VRK1: variants seen among roughly 807,000 people sequenced by gnomAD.
The protein encoded by VRK1 is serine/threonine-protein kinase VRK1.
Under a neutral mutation model 57.1 loss-of-function variants are expected in VRK1, and 33 were observed. That is an observed-to-expected ratio of 0.58 (90% CI 0.44 to 0.77). VRK1 has a LOEUF of 0.77. VRK1 is among the 30% of genes least tolerant of loss of function. VRK1 has a pLI of 0.00. For missense variants in VRK1, 413 were observed against 477.3 expected (o/e 0.87, Z 1.25); for synonymous variants, 137 against 147.8 (o/e 0.93, Z 0.53).
intron 2 of VRK1, among the ~76,000 whole-genome samples, chr14:96,835,589 T>A (rs1181916115): frequency 6.6e-6 from 1 of 152,224 alleles, no homozygotes; most frequent in Non-Finnish European, 1.5e-5. Context: ...TCTACTTAGA[T>A]GTTCCACAGG....
chr14:96,863,583 C>G (rs551869050), intron 11 of VRK1, among the ~76,000 whole-genome samples: 1 of 152,150 alleles, frequency 6.6e-6, no homozygotes, highest in Admixed American at 6.5e-5. Flanking sequence ...CCTGGAAAGT[C>G]GTTGAGTAAG....
chr14:96,856,946 T>A (rs1888183259), intron 10 of VRK1, among the ~76,000 whole-genome samples: 1 of 151,900 alleles, frequency 6.6e-6, no homozygotes. Context: ...CCAGCCTGGG[T>A]GACAGAGTGA....
intron 3 of VRK1, among the ~76,000 whole-genome samples, chr14:96,840,056 T>C (rs1295812443): frequency 1.3e-5 from 2 of 152,200 alleles, no homozygotes; most frequent in African/African-American, 4.8e-5. Context: ...TGGTCTTTCG[T>C]TTTTTTCCCC....
At chr14:96,856,654 T>C in intron 10 of VRK1, 68 bp downstream of exon 10, 1 of 1,332,284 alleles carries the variant, frequency 7.5e-7, no homozygotes. Flanking sequence ...ATGATATCCA[T>C]GGAATAGCCC....
At chr14:96,802,472 G>A (rs962050615) in intron 1 of VRK1, among the ~76,000 whole-genome samples, 5 of 152,182 alleles carry the variant, frequency 3.3e-5, no homozygotes, top group Non-Finnish European at 7.3e-5. Flanking sequence ...GGAGTTTAAG[G>A]GCATTGTATT....
chr14:96,873,921 A>C (rs886638574), intron 11 of VRK1, among the ~76,000 whole-genome samples: 1 of 152,186 alleles, frequency 6.6e-6, no homozygotes, highest in Non-Finnish European at 1.5e-5. Flanking sequence ...TGCTTTACGT[A>C]ATGCATACTG....
At chr14:96,840,159 C>T (rs536553582) in intron 3 of VRK1, among the ~76,000 whole-genome samples, 85 of 152,220 alleles carry the variant, frequency 5.6e-4, no homozygotes, top group African/African-American at 1.9e-3. Context: ...CCCTTTTGCC[C>T]TGCAGGCTTA....
chr14:96,853,299 A>C, intron 7 of VRK1, 133 bp downstream of exon 7: 3 of 762,194 alleles, frequency 3.9e-6, no homozygotes, highest in Non-Finnish European at 6.6e-6. Context: ...TCTTCTTGAC[A>C]CTTTGATCTA....
At chr14:96,808,120 C>G (rs1885987024) in intron 1 of VRK1, among the ~76,000 whole-genome samples, 1 of 151,056 alleles carries the variant, frequency 6.6e-6, no homozygotes, top group Non-Finnish European at 1.5e-5. Flanking sequence ...GGCAGCTGGG[C>G]AGAAAGGAAG....
intron 12 of VRK1, among the ~76,000 whole-genome samples, chr14:96,878,127 T>C (rs1736731431): frequency 6.6e-6 from 1 of 152,182 alleles, no homozygotes; most frequent in African/African-American, 2.4e-5. Context: ...TCCCCTAAAG[T>C]ACAATGCGAG....
chr14:96,823,784 C>T (rs1886695193), intron 1 of VRK1, among the ~76,000 whole-genome samples: 2 of 152,324 alleles, frequency 1.3e-5, no homozygotes, highest in South Asian at 4.1e-4. Context: ...TTCTCCCTCC[C>T]TCCAGCCTCT....
chr14:96,820,828 C>T (rs1364895297), intron 1 of VRK1, among the ~76,000 whole-genome samples: 1 of 152,126 alleles, frequency 6.6e-6, no homozygotes, highest in Non-Finnish European at 1.5e-5. Flanking sequence ...GATGTTACTG[C>T]CTTAGATGAT....
intron 4 of VRK1, 147 bp downstream of exon 4, chr14:96,846,311 G>A: frequency 1.4e-6 from 1 of 732,112 alleles, no homozygotes; most frequent in Non-Finnish European, 2.3e-6. Flanking sequence ...TTGTGTGAAA[G>A]AATTCTGGTC....
chr14:96,840,344 G>A (rs1160824901), intron 3 of VRK1, among the ~76,000 whole-genome samples: 1 of 152,148 alleles, frequency 6.6e-6, no homozygotes, highest in African/African-American at 2.4e-5. Flanking sequence ...CAGTGGGAGG[G>A]CTAACTGGGT....
At chr14:96,824,569 A>G (rs1886726826) in intron 1 of VRK1, among the ~76,000 whole-genome samples, 1 of 152,120 alleles carries the variant, frequency 6.6e-6, no homozygotes, top group Admixed American at 6.5e-5. Flanking sequence ...ATTGGCAAGT[A>G]CAGACGATTA....
At position 96,808,017 on chromosome 14, in the gene VRK1, CTG is replaced by C. The variant is rs3049309; in HGVS notation, c.-6+10607_-6+10608del. 3.1e-3 allele frequency among the ~76,000 whole-genome samples: 396 copies of C among 127,252 alleles called. 3 individuals carry two copies. Among genetic ancestry groups the C allele is most frequent in the African/African-American group, 0.011 (348 of 30,916 alleles). The allele number at this position is 127,252 out of a possible 152,430, so 83.5% of individuals were successfully genotyped here. On this transcript the variant is annotated intron_variant, in intron 1 of 12. Transcript: ENST00000216639. ...TCCCTCTCTCCCTCTCTCTCTCCCT[CTG>C]TGTGTGTGTGTGTGTGTGTGTGTGT...
At position 96,855,089 on chromosome 14, in the gene VRK1, A is replaced by C. The variant is rs962453031; in HGVS notation, c.577-135A>C. On this transcript the variant is annotated intron_variant, in intron 7 of 12. Transcript: ENST00000216639. ...TGCTGTTGTTTGCATTTTGGATCTA[A>C]ATTGTTTGGAGTGTTATGGAATGAC... is the stretch of plus-strand genomic sequence containing the variant. The C allele has an allele frequency of 2.4e-6, 3 of 1,253,458 alleles. No homozygotes were observed. In the African/African-American group the frequency reaches 4.5e-5, roughly 19 times the overall value. The allele number at this position is 1,253,458 out of a possible 1,614,324, so 77.6% of individuals were successfully genotyped here.
At chr14:96,879,680 G>C (rs1389700225) in intron 12 of VRK1, among the ~76,000 whole-genome samples, 1 of 152,046 alleles carries the variant, frequency 6.6e-6, no homozygotes, top group Non-Finnish European at 1.5e-5. Context: ...TGTAATGCCA[G>C]CAGTTTGGGA....
intron 1 of VRK1, among the ~76,000 whole-genome samples, chr14:96,800,199 C>A (rs1229473391): frequency 6.6e-6 from 1 of 152,054 alleles, no homozygotes; most frequent in East Asian, 1.9e-4. Context: ...TTTCTACTTG[C>A]CATTATAAAG....
Sources: gnomAD v4.1 joint callset for allele counts (sites outside exome capture counted in the v4.1 genomes callset) on GRCh38, gnomAD v4.1.1 for gene constraint, MANE v1.5 for transcripts, NCBI Gene and HGNC (gene_info 2026-07-23, HGNC 2026-07-21) for gene names.